The following LRRC7 variants were observed in gnomAD, a reference collection of about 807,000 sequenced individuals.
The protein encoded by LRRC7 is leucine-rich repeat-containing protein 7.
In LRRC7, 23 loss-of-function variants were observed where a neutral mutation model predicts 175.7. The observed-to-expected ratio is 0.13, with a 90% CI of 0.09 to 0.19. The LOEUF (loss-of-function observed/expected upper bound fraction) is 0.19, where lower values mean the gene tolerates loss of function less well. LRRC7 is among the 10% of genes least tolerant of loss of function. LRRC7 has a pLI of 1.00. For synonymous variants in LRRC7, 685 were observed against 680.9 expected (o/e 1.01, Z -0.09); for missense variants, 1,354 against 1,904.7 (o/e 0.71, Z 5.38).
At position 70,136,065 on chromosome 1, in the gene LRRC7, G is replaced by C. The variant is rs1007919082; in HGVS notation, c.*14178G>C. On this transcript the variant is annotated 3_prime_UTR_variant, in exon 27 of 27. Transcript: ENST00000651989. Reference sequence around the variant, plus strand: ...TATCTCTCTCTCTCTGTGTGTGTCTGTGTGTGTGTCTGTGTGTGTGTGTGT... The same window carrying C: ...TATCTCTCTCTCTCTGTGTGTGTCTCTGTGTGTGTCTGTGTGTGTGTGTGT... 2.1e-5 allele frequency among the ~76,000 whole-genome samples: 1 copy of C among 48,596 alleles called. No homozygotes were observed. Among genetic ancestry groups the C allele is most frequent in the Admixed American group, 2.7e-4 (1 of 3,662 alleles). 31.9% of individuals were successfully genotyped at this position (48,596 alleles called of 152,430 possible). A position where few individuals can be genotyped will look rare whatever the true frequency, so the allele number is the denominator to read the frequency against.
intron 3 of LRRC7, among the ~76,000 whole-genome samples, chr1:69,760,956 C>T (rs1670971592): frequency 9.0e-6 from 1 of 110,932 alleles, no homozygotes; most frequent in African/African-American, 3.8e-5. Context: ...AAACTTTGTG[C>T]ACATACACAC....
At chr1:70,111,322 A>G (rs1665512545) in intron 26 of LRRC7, among the ~76,000 whole-genome samples, 1 of 152,166 alleles carries the variant, frequency 6.6e-6, no homozygotes, top group South Asian at 2.1e-4. Flanking sequence ...GTTAATTAAA[A>G]CACATTCACA....
chr1:70,092,630 G>T (rs765328228), intron 25 of LRRC7, among the ~76,000 whole-genome samples: 4 of 152,050 alleles, frequency 2.6e-5, no homozygotes, highest in Admixed American at 2.6e-4. Flanking sequence ...CATCCAAAAC[G>T]ATTACAGCCA....
chr1:69,604,116 C>G (rs1647205847), intron 1 of LRRC7, among the ~76,000 whole-genome samples: 1 of 151,906 alleles, frequency 6.6e-6, no homozygotes, highest in African/African-American at 2.4e-5. Flanking sequence ...GATTTGTATG[C>G]TTTGGACTTT....
At chr1:69,579,271 TCA>T (rs1331708956) in intron 1 of LRRC7, among the ~76,000 whole-genome samples, 1 of 152,146 alleles carries the variant, frequency 6.6e-6, no homozygotes, top group African/African-American at 2.4e-5. Flanking sequence ...AAATTTACCC[TCA>T]CACTGAGTAA....
intron 2 of LRRC7, among the ~76,000 whole-genome samples, chr1:69,694,317 A>T (rs1193586338): frequency 6.6e-6 from 1 of 152,118 alleles, no homozygotes; most frequent in East Asian, 1.9e-4. Flanking sequence ...TATCTGCTCA[A>T]GTTTCCTGGA....
intron 1 of LRRC7, among the ~76,000 whole-genome samples, chr1:69,589,728 G>T (rs956621428): frequency 6.6e-6 from 1 of 152,116 alleles, no homozygotes; most frequent in Non-Finnish European, 1.5e-5. Flanking sequence ...TCACACTATA[G>T]TTTGGCTTAC....
At chr1:69,996,911 A>G (rs1187239593) in intron 11 of LRRC7, among the ~76,000 whole-genome samples, 1 of 152,114 alleles carries the variant, frequency 6.6e-6, no homozygotes, top group Admixed American at 6.6e-5. Context: ...TGAACTTTCA[A>G]GTAGTTTTTT....
chr1:70,063,701 G>A (rs1324694498), intron 23 of LRRC7, among the ~76,000 whole-genome samples: 1 of 151,914 alleles, frequency 6.6e-6, no homozygotes, highest in Non-Finnish European at 1.5e-5. Context: ...AACTTTTATC[G>A]TTACTCTTAA....
chr1:70,045,267 C>CTGTGTGTCT (rs1275807583), intron 22 of LRRC7, among the ~76,000 whole-genome samples: 1 of 152,038 alleles, frequency 6.6e-6, no homozygotes, highest in Admixed American at 6.6e-5. Flanking sequence ...GTAACTTTCT[C>CTGTGTGTCT]TCCAAGGAGA....
rs536424913 is a variant in LRRC7 at position 69,847,852 on chromosome 1, T to G, written c.647+9569T>G. ...TCTTATTAAAACATACCAAGGCACA[T>G]GTCAATTTGAAAGTGCAGAATGACT... On this transcript the variant is annotated intron_variant, in intron 7 of 26. Coordinates refer to ENST00000651989, the MANE Select transcript of LRRC7 (RefSeq NM_001370785.2). Among the ~76,000 whole-genome samples the G allele has an allele frequency of 1.9e-4, 29 of 152,246 alleles. 1 individual carries two copies. In the South Asian group the frequency reaches 5.2e-3, roughly 27 times the overall value.
intron 7 of LRRC7, among the ~76,000 whole-genome samples, chr1:69,906,494 C>T (rs560531914): frequency 6.6e-6 from 1 of 152,292 alleles, no homozygotes; most frequent in African/African-American, 2.4e-5. Flanking sequence ...CCAGTTTTCC[C>T]AGCACCATTT....
In LRRC7 at chr1:70,007,996, C is replaced by T. The variant is rs554000185; in HGVS notation, c.1005-3801C>T. On this transcript the variant is annotated intron_variant, in intron 11 of 26. Coordinates refer to ENST00000651989, the MANE Select transcript of LRRC7 (RefSeq NM_001370785.2). ...ATGTGCTTGTATTAGTCAGGGTTCT[C>T]TTAGGGGAATAGAACTAATCAGAGA... 2.4e-4 allele frequency among the ~76,000 whole-genome samples: 36 copies of T among 152,134 alleles called. 1 individual carries two copies. The East Asian group carries it at 6.6e-3, about 28-fold the overall frequency.
At chr1:69,617,312 G>C (rs1157606804) in intron 1 of LRRC7, among the ~76,000 whole-genome samples, 2 of 151,892 alleles carry the variant, frequency 1.3e-5, no homozygotes, top group African/African-American at 4.8e-5. Context: ...GTCAGCAAAA[G>C]CAATCATATT....
chr1:69,612,829 A>G (rs1444227592), intron 1 of LRRC7, among the ~76,000 whole-genome samples: 1 of 152,112 alleles, frequency 6.6e-6, no homozygotes, highest in Non-Finnish European at 1.5e-5. Context: ...ACAGATGAAG[A>G]GACTGAAGCT....
In LRRC7 at chr1:70,139,810, T is replaced by G. The variant is rs1334115674; in HGVS notation, c.*17923T>G. ...CTTTGAAAATACAACATGTAGGTCC[T>G]TCTCAGATTATGCTGAAACTCCAAA... On this transcript the variant is annotated 3_prime_UTR_variant, in exon 27 of 27. Coordinates refer to ENST00000651989, the MANE Select transcript of LRRC7 (RefSeq NM_001370785.2). The G allele has an allele frequency of 6.6e-6, 1 of 152,156 alleles. No homozygotes were observed. Among genetic ancestry groups the G allele is most frequent in the African/African-American group, 2.4e-5 (1 of 41,436 alleles). 9.4% of individuals were successfully genotyped at this position (152,156 alleles called of 1,614,324 possible).
chr1:69,787,309 C>T (rs1225353172), intron 3 of LRRC7, among the ~76,000 whole-genome samples: 1 of 152,170 alleles, frequency 6.6e-6, no homozygotes, highest in African/African-American at 2.4e-5. Context: ...GGTGCAAGCT[C>T]TCAGAGGATC....
chr1:69,673,381 C>G (rs990416608), intron 1 of LRRC7, among the ~76,000 whole-genome samples: 3 of 152,172 alleles, frequency 2.0e-5, no homozygotes, highest in Non-Finnish European at 4.4e-5. Context: ...CAGTTGAACA[C>G]GTAGGCTGCA....
chr1:70,108,488 T>C (rs1339521474), intron 26 of LRRC7, among the ~76,000 whole-genome samples: 2 of 152,232 alleles, frequency 1.3e-5, no homozygotes, highest in East Asian at 3.8e-4. Flanking sequence ...GCTTTGTTTC[T>C]TATCAGTGAT....
Sources: gnomAD v4.1 joint callset for allele counts (sites outside exome capture counted in the v4.1 genomes callset) on GRCh38, gnomAD v4.1.1 for gene constraint, MANE v1.5 for transcripts, NCBI Gene and HGNC (gene_info 2026-07-23, HGNC 2026-07-21) for gene names.